The following STARD13 variants were observed in gnomAD, a reference collection of about 807,000 sequenced individuals.
The protein encoded by STARD13 is stAR-related lipid transfer protein 13.
Under a neutral mutation model 106.4 loss-of-function variants are expected in STARD13, and 62 were observed. That is an observed-to-expected ratio of 0.58 (90% confidence interval 0.48 to 0.72). STARD13 has a LOEUF of 0.72. Ranked by LOEUF, STARD13 falls within the 30% of genes least tolerant of loss-of-function variation. STARD13 has a pLI of 0.00. For missense variants in STARD13, 1,387 were observed against 1,424.0 expected (o/e 0.97, Z 0.42); for synonymous variants, 565 against 553.0 (o/e 1.02, Z -0.31).
chr13:33,575,655 G>C, the STARD13 span, among the ~76,000 whole-genome samples: 1 of 152,090 alleles, frequency 6.6e-6, no homozygotes, highest in Non-Finnish European at 1.5e-5. Context: ...GTTTCCTTGA[G>C]AGTGAGTTGT....
chr13:33,153,804 C>G (rs1056839732), intron 3 of STARD13, among the ~76,000 whole-genome samples: 1 of 152,356 alleles, frequency 6.6e-6, no homozygotes, highest in South Asian at 2.1e-4. Context: ...ATGAGTTCAA[C>G]TCTTACAGAC....
chr13:33,256,410 G>T (rs1395903784), intron 1 of STARD13, among the ~76,000 whole-genome samples: 1 of 152,056 alleles, frequency 6.6e-6, no homozygotes, highest in Non-Finnish European at 1.5e-5. Context: ...TGATCACCAG[G>T]TACCCAGGCC....
the STARD13 span, among the ~76,000 whole-genome samples, chr13:33,430,432 T>C: frequency 6.6e-6 from 1 of 152,216 alleles, no homozygotes. Flanking sequence ...CAATAACAGA[T>C]GCTGGCAAGG....
At chr13:33,308,161 C>T (rs73478165) in intron 1 of STARD13, among the ~76,000 whole-genome samples, 3,397 of 152,298 alleles carry the variant, frequency 0.022, 121 homozygotes, top group African/African-American at 0.077. Context: ...TAAATCATGG[C>T]TATCTCCTCT....
At chr13:33,111,235 A>T (rs1287971882) in intron 10 of STARD13, among the ~76,000 whole-genome samples, 1 of 152,228 alleles carries the variant, frequency 6.6e-6, no homozygotes, top group Non-Finnish European at 1.5e-5. Context: ...CCCACTATGA[A>T]TAAGACTTAA....
At chr13:33,335,223 T>TA (rs1157007426) in intron 1 of STARD13, 2 of 152,254 alleles carry the variant, frequency 1.3e-5, no homozygotes, top group African/African-American at 4.8e-5. Context: ...CTGTTGATTT[T>TA]AAACCACTGT....
the STARD13 span, among the ~76,000 whole-genome samples, chr13:33,413,551 A>G: frequency 1.3e-5 from 2 of 152,198 alleles, no homozygotes. Flanking sequence ...ATGAAAAGCT[A>G]CAGAGAGGGA....
At chr13:33,543,695 CAG>C in the STARD13 span, among the ~76,000 whole-genome samples, 1 of 152,152 alleles carries the variant, frequency 6.6e-6, no homozygotes, top group Non-Finnish European at 1.5e-5. Context: ...CTTGTTAAAA[CAG>C]ATTGCTGGGC....
chr13:33,647,005 C>T, the STARD13 span, among the ~76,000 whole-genome samples: 2 of 151,784 alleles, frequency 1.3e-5, no homozygotes, highest in East Asian at 1.9e-4. Context: ...AGTATGCAGC[C>T]CCCCCTAAAA....
At chr13:33,112,624 T>C (rs1874753489) in intron 9 of STARD13, 97 bp downstream of exon 9, 5 of 984,520 alleles carry the variant, frequency 5.1e-6, no homozygotes, top group Non-Finnish European at 7.6e-6. Flanking sequence ...AATATATCCA[T>C]TCGTATCTAT....
At chr13:33,297,999 C>T (rs1892562020) in intron 1 of STARD13, among the ~76,000 whole-genome samples, 1 of 152,048 alleles carries the variant, frequency 6.6e-6, no homozygotes, top group African/African-American at 2.4e-5. Context: ...TTTCAAAATG[C>T]CTCTCAAATC....
At chr13:33,113,983 C>T (rs544446001) in intron 8 of STARD13, among the ~76,000 whole-genome samples, 12 of 152,248 alleles carry the variant, frequency 7.9e-5, no homozygotes, top group South Asian at 4.1e-4. Context: ...GGCCTCCACA[C>T]GAGGGTGTCT....
chr13:33,165,492 G>A (rs797232), intron 2 of STARD13, 74 bp from the exon 3 acceptor site: 617,516 of 1,159,028 alleles, frequency 0.53, 175,399 homozygotes, highest in Non-Finnish European at 0.58. Flanking sequence ...AGACCTTCAA[G>A]GTCTGTAAAA....
At chr13:33,229,233 A>G (rs190162121) in intron 1 of STARD13, among the ~76,000 whole-genome samples, 6 of 152,354 alleles carry the variant, frequency 3.9e-5, no homozygotes, top group African/African-American at 1.4e-4. Context: ...ATGGGCTGAA[A>G]AGGGACTTCC....
chr13:33,498,388 GT>G, the STARD13 span, among the ~76,000 whole-genome samples: 1 of 152,164 alleles, frequency 6.6e-6, no homozygotes, highest in Non-Finnish European at 1.5e-5. Context: ...ATTAGGGATT[GT>G]TAGAGCCTCT....
chr13:33,362,524 A>C, the STARD13 span, among the ~76,000 whole-genome samples: 1 of 152,206 alleles, frequency 6.6e-6, no homozygotes. Context: ...AATGGATTTT[A>C]TTGATACCTC....
chr13:33,632,672 C>A, the STARD13 span, among the ~76,000 whole-genome samples: 1 of 152,146 alleles, frequency 6.6e-6, no homozygotes, highest in Non-Finnish European at 1.5e-5. Context: ...ATTTTATTTT[C>A]TAGCCTTCTG....
chr13:33,574,913 CTTT>C, the STARD13 span, among the ~76,000 whole-genome samples: 1 of 117,584 alleles, frequency 8.5e-6, no homozygotes, highest in Non-Finnish European at 1.7e-5. Context: ...TATGCATCTA[CTTT>C]TTTTTTTTTT....
chr13:33,446,576 TA>T, the STARD13 span, among the ~76,000 whole-genome samples: 1 of 152,194 alleles, frequency 6.6e-6, no homozygotes, highest in Non-Finnish European at 1.5e-5. Flanking sequence ...ACTTTATACA[TA>T]AGAGTAAAAT....
Sources: allele counts gnomAD v4.1 joint callset (sites outside exome capture counted in the v4.1 genomes callset), GRCh38; gene constraint gnomAD v4.1.1; transcripts MANE v1.5; gene names NCBI Gene and HGNC (gene_info 2026-07-23, HGNC 2026-07-21).